SLC19A2: variants seen among roughly 807,000 people sequenced by gnomAD.
SLC19A2 encodes solute carrier family 19 member 2.
A neutral mutation model predicts 44.7 loss-of-function variants in SLC19A2; 27 were observed. The ratio of observed to expected loss-of-function variants is 0.60; its 90% confidence interval spans 0.45 to 0.83. The LOEUF (loss-of-function observed/expected upper bound fraction) is 0.83, where lower values mean the gene tolerates loss of function less well. Among genes scored for constraint, SLC19A2 ranks in the 40% least tolerant of loss-of-function variants. The pLI is 0.00. For missense variants in SLC19A2, 566 were observed against 613.7 expected (o/e 0.92, Z 0.82); for synonymous variants, 239 against 243.6 (o/e 0.98, Z 0.18).
chr1:169,469,651 A>T (rs1394350876), intron 3 of SLC19A2, among the ~76,000 whole-genome samples: 2 of 152,304 alleles, frequency 1.3e-5, no homozygotes, highest in East Asian at 3.9e-4. Context: ...ATATATTGCC[A>T]TTCAAAATTT....
At position 169,485,917 on chromosome 1, in the gene SLC19A2, C is replaced by T. The variant is rs1475000367; in HGVS notation, c.-151G>A. 4 of 934,876 alleles carry T rather than the reference C, an allele frequency of 4.3e-6. No individual in the cohort carries two copies. The highest frequency in any genetic ancestry group is 4.7e-6 in the Non-Finnish European group (3 of 642,210). The allele number at this position is 934,876 out of a possible 1,614,324, so 57.9% of individuals were successfully genotyped here. On this transcript the variant is annotated 5_prime_UTR_variant, in exon 1 of 6. Transcript: ENST00000236137. Reference sequence around the variant, plus strand: ...CTCGCCGCCGCCTCCGGCTACAGAACCCCCAGCTTTACCCTACAGACGCCT... The same window carrying T: ...CTCGCCGCCGCCTCCGGCTACAGAATCCCCAGCTTTACCCTACAGACGCCT...
At position 169,483,405 on chromosome 1, in the gene SLC19A2, AC is replaced by A. The variant is rs370539854; in HGVS notation, c.204+2157del. On this transcript the variant is annotated intron_variant, in intron 1 of 5. Transcript: ENST00000236137. ...TTTCAATTATTAGTTATACAAAAAA[AC>A]GTAGGGTTTGCCACAAGGTAAGCAG... Among the ~76,000 whole-genome samples, 269 of 152,190 alleles carry A rather than the reference AC, an allele frequency of 1.8e-3. 1 individual carries two copies. Among genetic ancestry groups the A allele is most frequent in the African/African-American group, 6.2e-3 (258 of 41,486 alleles).
chr1:169,470,082 GA>G lies in SLC19A2; in HGVS notation c.911del (p.Leu304ProfsTer10). 6.2e-7 allele frequency: 1 copy of G among 1,614,066 alleles called. No homozygotes were observed. The highest frequency in any genetic ancestry group is 8.5e-7 in the Non-Finnish European group (1 of 1,179,950). On this transcript the variant is annotated frameshift_variant, in exon 3 of 6. Transcript: ENST00000236137. LOFTEE classifies it high-confidence loss of function. Reference protein sequence around the residue: ...PLLCWSVWWALSTCGYFQVVN... With the variant: ...PLLCWSVWWAXSTCGYFQVVN... ...CAACTTGAAAATAGCCACAGGTAGA[GA>G]GGGCCCACCACACAGACCAGCAGAG... is the stretch of plus-strand genomic sequence containing the variant.
At chr1:169,472,605 A>C (rs1011796735) in intron 2 of SLC19A2, among the ~76,000 whole-genome samples, 2 of 152,254 alleles carry the variant, frequency 1.3e-5, no homozygotes, top group Non-Finnish European at 2.9e-5. Context: ...CATACATAAA[A>C]TAATGCCCAG....
At chr1:169,473,401 G>A (rs942710084) in intron 2 of SLC19A2, among the ~76,000 whole-genome samples, 6 of 134,278 alleles carry the variant, frequency 4.5e-5, no homozygotes. Context: ...CGCCCAGCTA[G>A]TTTTTGTATT....
intron 2 of SLC19A2, among the ~76,000 whole-genome samples, chr1:169,476,019 G>A (rs952471896): frequency 6.6e-6 from 1 of 152,078 alleles, no homozygotes; most frequent in African/African-American, 2.4e-5. Context: ...CACCTACAAA[G>A]CTGGAATGTT....
intron 1 of SLC19A2, among the ~76,000 whole-genome samples, chr1:169,480,798 T>C (rs891289150): frequency 1.3e-5 from 2 of 152,232 alleles, no homozygotes; most frequent in Admixed American, 6.5e-5. Flanking sequence ...TTGTCTGTGC[T>C]TAGACATGTT....
intron 2 of SLC19A2, among the ~76,000 whole-genome samples, chr1:169,474,316 T>C (rs1658259978): frequency 6.6e-6 from 1 of 152,226 alleles, no homozygotes; most frequent in African/African-American, 2.4e-5. Flanking sequence ...AGCATGGCTA[T>C]ATTAAGAGAA....
intron 1 of SLC19A2, among the ~76,000 whole-genome samples, chr1:169,483,714 A>G (rs142234225): frequency 5.1e-4 from 77 of 152,324 alleles, no homozygotes; most frequent in African/African-American, 1.8e-3. Context: ...AGAGCACATG[A>G]CAAAACAGAT....
chr1:169,465,741 C>T lies in SLC19A2; in HGVS notation c.*108G>A, dbSNP rs1018252600. The T allele has an allele frequency of 2.2e-5, 28 of 1,284,454 alleles. No homozygotes were observed. The highest frequency in any genetic ancestry group is 2.9e-5 in the Non-Finnish European group (26 of 894,146). 79.6% of individuals were successfully genotyped at this position (1,284,454 alleles called of 1,614,324 possible). A position where few individuals can be genotyped will look rare whatever the true frequency, so the allele number is the denominator to read the frequency against. The stretch of plus-strand genomic sequence containing the variant: ...ATTAGTCAAGTGGCTGCTGTGAAGT[C>T]AAGAAATGCACATTCATAAATATAT... On this transcript the variant is annotated 3_prime_UTR_variant, in exon 6 of 6. Coordinates refer to ENST00000236137, the MANE Select transcript of SLC19A2 (RefSeq NM_006996.3).
rs1363553501 is a variant in SLC19A2, at chr1:169,485,758, C to A, written c.9G>T (p.Val3=). The change falls in exon 1 of 6, where the codon GTG becomes GTT. Residue 3 remains valine (V), a synonymous_variant. Transcript: ENST00000236137. The part of the protein sequence containing the change: MD[V]PGPVSRRAAA... ...CCGCCCGCCGAGACACCGGGCCGGGCACATCCATCCGGGGCGCGAGGGGAG... is the reference window on the plus strand; with the variant it reads ...CCGCCCGCCGAGACACCGGGCCGGGAACATCCATCCGGGGCGCGAGGGGAG... 6.5e-7 allele frequency: 1 copy of A among 1,533,438 alleles called. No individual in the cohort carries two copies. 95.0% of individuals were successfully genotyped at this position (1,533,438 alleles called of 1,614,324 possible).
At chr1:169,483,977 T>C (rs1260208075) in intron 1 of SLC19A2, among the ~76,000 whole-genome samples, 1 of 152,234 alleles carries the variant, frequency 6.6e-6, no homozygotes, top group Non-Finnish European at 1.5e-5. Context: ...TTTGGCTGTT[T>C]TGACATTATT....
At chr1:169,474,590 C>T (rs575169213) in intron 2 of SLC19A2, among the ~76,000 whole-genome samples, 1 of 152,156 alleles carries the variant, frequency 6.6e-6, no homozygotes, top group Non-Finnish European at 1.5e-5. Context: ...TGAGCTATCA[C>T]TTAGACTCCT....
chr1:169,477,629 T>C lies in SLC19A2; in HGVS notation c.333A>G (p.Thr111=), dbSNP rs770010520. ...VLLQGLSLIV[T]WFMLLYAQGL... ...CCTGGGCATAGAGCAGCATAAACCA[T>C]GTAACAATAAGGCTGAGCCCCTGCA... The change falls in exon 2 of 6, where the codon ACA becomes ACG. Residue 111 remains threonine, a synonymous_variant. Coordinates refer to ENST00000236137, the MANE Select transcript of SLC19A2 (RefSeq NM_006996.3). The C allele has an allele frequency of 1.9e-6, 3 of 1,613,926 alleles. No homozygotes were observed. The highest frequency in any genetic ancestry group is 3.3e-5 in the Admixed American group (2 of 59,998).
intron 1 of SLC19A2, 98 bp downstream of exon 1, chr1:169,485,465 A>G: frequency 1.5e-6 from 2 of 1,337,694 alleles, no homozygotes; most frequent in Non-Finnish European, 2.1e-6. Flanking sequence ...ATCTCTGCCG[A>G]GAATGGCTCG....
intron 1 of SLC19A2, among the ~76,000 whole-genome samples, chr1:169,483,542 G>A (rs1658487878): frequency 6.6e-6 from 1 of 152,162 alleles, no homozygotes; most frequent in Non-Finnish European, 1.5e-5. Flanking sequence ...AATAAGAGAA[G>A]TACACTTATG....
chr1:169,481,969 T>C (rs1658451968), intron 1 of SLC19A2, among the ~76,000 whole-genome samples: 1 of 152,002 alleles, frequency 6.6e-6, no homozygotes, highest in Non-Finnish European at 1.5e-5. Context: ...GAAGCCGAGG[T>C]GGGTAGATTA....
At position 169,485,749 on chromosome 1, in the gene SLC19A2, C is replaced by A. The variant is rs1460058259; in HGVS notation, c.18G>T (p.Pro6=). 2.0e-6 allele frequency: 3 copies of A among 1,535,508 alleles called. No individual in the cohort carries two copies. The highest frequency in any genetic ancestry group is 2.6e-6 in the Non-Finnish European group (3 of 1,145,132). The change falls in exon 1 of 6, where the codon CCG becomes CCT. Residue 6 remains proline, a synonymous_variant. Transcript: ENST00000236137. ...CCGCCGCCGCCGCCCGCCGAGACACCGGGCCGGGCACATCCATCCGGGGCG... is the reference window on the plus strand; with the variant it reads ...CCGCCGCCGCCGCCCGCCGAGACACAGGGCCGGGCACATCCATCCGGGGCG... The part of the protein sequence containing the change: MDVPG[P]VSRRAAAAAA...
chr1:169,485,964 C>T (rs1658559779), upstream of SLC19A2: 12 of 650,550 alleles, frequency 1.8e-5, no homozygotes, highest in Non-Finnish European at 2.8e-5. Flanking sequence ...GCCTGATCGC[C>T]CAGTTTAAGG....
Sources: gnomAD v4.1 joint callset for allele counts (sites outside exome capture counted in the v4.1 genomes callset) on GRCh38, gnomAD v4.1.1 for gene constraint, MANE v1.5 for transcripts, NCBI Gene and HGNC (gene_info 2026-07-23, HGNC 2026-07-21) for gene names.